XKR4: variants seen among roughly 807,000 people sequenced by gnomAD.
The protein encoded by XKR4 is XK related 4.
In XKR4, 12 loss-of-function variants were observed where a neutral mutation model predicts 53.9. The observed-to-expected ratio is 0.22, with a 90% CI of 0.14 to 0.36. The LOEUF is 0.36. Ranked by LOEUF, XKR4 falls within the 10% of genes least tolerant of loss-of-function variation. The probability of loss-of-function intolerance (pLI) is 1.00; values close to 1 mark genes in which losing one functional copy is unlikely to be tolerated. For missense variants in XKR4, 799 were observed against 859.5 expected (o/e 0.93, Z 0.88); for synonymous variants, 354 against 362.4 (o/e 0.98, Z 0.26).
At chr8:55,419,243 G>A (rs896595094) in intron 2 of XKR4, among the ~76,000 whole-genome samples, 4 of 152,038 alleles carry the variant, frequency 2.6e-5, no homozygotes, top group East Asian at 1.9e-4. Context: ...AAAATTAGCC[G>A]GAGTGGTGGT....
chr8:55,444,317 T>C (rs1285398443), intron 2 of XKR4, among the ~76,000 whole-genome samples: 1 of 152,206 alleles, frequency 6.6e-6, no homozygotes, highest in East Asian at 1.9e-4. Flanking sequence ...AGGATATGGA[T>C]TAATCTCTCT....
At chr8:55,346,148 C>T (rs1389843147) in intron 1 of XKR4, among the ~76,000 whole-genome samples, 1 of 150,526 alleles carries the variant, frequency 6.6e-6, no homozygotes, top group Non-Finnish European at 1.5e-5. Flanking sequence ...TGCAGTGGCA[C>T]AATCTTGGCT....
chr8:55,394,848 G>A (rs1395390), intron 2 of XKR4, among the ~76,000 whole-genome samples: 101,580 of 152,056 alleles, frequency 0.67, 34,620 homozygotes, highest in African/African-American at 0.8. Flanking sequence ...CACCAGCATC[G>A]GTTTAATCAA....
chr8:55,148,909 C>T (rs1227612052), intron 1 of XKR4, among the ~76,000 whole-genome samples: 1 of 152,182 alleles, frequency 6.6e-6, no homozygotes, highest in African/African-American at 2.4e-5. Flanking sequence ...TACTGAGGTG[C>T]TTCCCCACTA....
At chr8:55,408,798 G>A (rs1330018835) in intron 2 of XKR4, among the ~76,000 whole-genome samples, 2 of 152,096 alleles carry the variant, frequency 1.3e-5, no homozygotes, top group African/African-American at 4.8e-5. Flanking sequence ...CACGGGGTCA[G>A]GAGTTCGAGA....
At chr8:55,471,148 G>A (rs1172572839) in intron 2 of XKR4, among the ~76,000 whole-genome samples, 3 of 152,142 alleles carry the variant, frequency 2.0e-5, no homozygotes, top group African/African-American at 7.2e-5. Context: ...AAAGTGTTCA[G>A]TACCTACGTG....
chr8:55,117,493 G>A (rs1816326869), intron 1 of XKR4, among the ~76,000 whole-genome samples: 1 of 152,200 alleles, frequency 6.6e-6, no homozygotes, highest in African/African-American at 2.4e-5. Context: ...AGTACTTGAT[G>A]ATGATGATAA....
At chr8:55,141,697 C>A (rs1816706380) in intron 1 of XKR4, among the ~76,000 whole-genome samples, 2 of 133,816 alleles carry the variant, frequency 1.5e-5, no homozygotes, top group Admixed American at 1.5e-4. Context: ...GTGTCTCTCT[C>A]TGTGGACTGG....
chr8:55,471,791 C>G (rs549495416), intron 2 of XKR4, among the ~76,000 whole-genome samples: 3 of 152,078 alleles, frequency 2.0e-5, no homozygotes, highest in African/African-American at 4.8e-5. Flanking sequence ...TCCCCACCCC[C>G]TCTTGCTCCT....
intron 1 of XKR4, among the ~76,000 whole-genome samples, chr8:55,187,299 C>T (rs372699575): frequency 1.0e-3 from 95 of 93,628 alleles, no homozygotes; most frequent in African/African-American, 4.5e-3. Flanking sequence ...TCTCTGTTTC[C>T]AGGACCAAAA....
chr8:55,373,457 G>A (rs1050112585), intron 2 of XKR4, among the ~76,000 whole-genome samples: 9 of 152,092 alleles, frequency 5.9e-5, no homozygotes, highest in South Asian at 2.1e-4. Context: ...ATGAACCACC[G>A]CACCTGGCCA....
chr8:55,152,536 T>C (rs897395786), intron 1 of XKR4, among the ~76,000 whole-genome samples: 2 of 152,204 alleles, frequency 1.3e-5, no homozygotes, highest in Non-Finnish European at 2.9e-5. Context: ...ACATTCTAAA[T>C]TATTAATTCT....
intron 1 of XKR4, among the ~76,000 whole-genome samples, chr8:55,346,509 G>C (rs999521978): frequency 3.3e-5 from 5 of 152,190 alleles, no homozygotes; most frequent in Admixed American, 3.3e-4. Context: ...ATGTAGGCCA[G>C]AATTTTAAGT....
At chr8:55,170,157 A>G (rs1817137676) in intron 1 of XKR4, among the ~76,000 whole-genome samples, 1 of 152,182 alleles carries the variant, frequency 6.6e-6, no homozygotes, top group Admixed American at 6.5e-5. Context: ...GAGCTAGTCA[A>G]GTTTGTAAGA....
At chr8:55,188,821 C>A (rs1817410003) in intron 1 of XKR4, among the ~76,000 whole-genome samples, 1 of 152,126 alleles carries the variant, frequency 6.6e-6, no homozygotes, top group South Asian at 2.1e-4. Context: ...CAATAATAAT[C>A]AAAATACCTA....
intron 1 of XKR4, among the ~76,000 whole-genome samples, chr8:55,198,947 ACCC>A (rs967793191): frequency 1.3e-5 from 2 of 152,096 alleles, no homozygotes; most frequent in African/African-American, 4.8e-5. Flanking sequence ...CCAGCTATAA[ACCC>A]CCCATCTTCC....
intron 2 of XKR4, among the ~76,000 whole-genome samples, chr8:55,431,113 G>C (rs760491384): frequency 6.6e-6 from 1 of 152,210 alleles, no homozygotes; most frequent in African/African-American, 2.4e-5. Flanking sequence ...ATTTGTAAAG[G>C]AGTTTGATTA....
chr8:55,136,651 A>G (rs562174070), intron 1 of XKR4, among the ~76,000 whole-genome samples: 5 of 152,376 alleles, frequency 3.3e-5, no homozygotes, highest in Non-Finnish European at 4.4e-5. Context: ...GCTCCCTAAT[A>G]ACAAATGAAT....
chr8:55,428,100 G>A (rs1805043648), intron 2 of XKR4, among the ~76,000 whole-genome samples: 1 of 152,130 alleles, frequency 6.6e-6, no homozygotes, highest in Admixed American at 6.5e-5. Flanking sequence ...ATATTTGTAG[G>A]ACTTCTGCAT....
Sources: allele counts gnomAD v4.1 joint callset (sites outside exome capture counted in the v4.1 genomes callset), GRCh38; gene constraint gnomAD v4.1.1; transcripts MANE v1.5; gene names NCBI Gene and HGNC (gene_info 2026-07-23, HGNC 2026-07-21).